CCDC112: variants seen among roughly 807,000 people sequenced by gnomAD.
CCDC112 encodes the protein coiled-coil domain containing 112, also known as coiled-coil domain-containing protein 112.
A neutral mutation model predicts 66.3 loss-of-function variants in CCDC112; 40 were observed. That is an observed-to-expected ratio of 0.60 (90% CI 0.47 to 0.79). The LOEUF (loss-of-function observed/expected upper bound fraction) is 0.79, where lower values mean the gene tolerates loss of function less well. CCDC112 is among the 30% of genes least tolerant of loss of function. CCDC112 has a pLI of 0.00. For missense variants in CCDC112, 659 were observed against 603.8 expected (o/e 1.09, Z -0.96); for synonymous variants, 214 against 197.2 (o/e 1.09, Z -0.71).
chr5:115,284,703 G>T, intron 2 of CCDC112, 84 bp downstream of exon 2: 1 of 1,077,166 alleles, frequency 9.3e-7, no homozygotes. Flanking sequence ...TGTGAGCCTA[G>T]GTAGGGTAGA....
chr5:115,281,312 C>A (rs1749446809), intron 2 of CCDC112, among the ~76,000 whole-genome samples: 1 of 152,184 alleles, frequency 6.6e-6, no homozygotes, highest in Admixed American at 6.5e-5. Flanking sequence ...GCATGAGCCA[C>A]CGCATCTGAC....
chr5:115,273,218 G>C (rs1207799445), intron 6 of CCDC112, among the ~76,000 whole-genome samples: 2 of 152,130 alleles, frequency 1.3e-5, no homozygotes, highest in African/African-American at 2.4e-5. Context: ...TTGATAAGCT[G>C]GGATTGGAGG....
intron 6 of CCDC112, 33 bp from the exon 7 acceptor site, chr5:115,271,659 G>A (rs776567418): frequency 7.0e-6 from 10 of 1,426,716 alleles, no homozygotes; most frequent in Non-Finnish European, 6.5e-6. Flanking sequence ...GAAAGCAAGA[G>A]AAAAAAGTTT....
chr5:115,296,476 G>T lies in CCDC112; in HGVS notation c.68C>A (p.Ala23Glu), dbSNP rs773926104. 1.3e-6 allele frequency: 2 copies of T among 1,561,976 alleles called. No homozygotes were observed. Among genetic ancestry groups the T allele is most frequent in the South Asian group, 1.2e-5 (1 of 86,884 alleles). ...ATAVAGAVAG[A>E]GAATGTGVGA... ...CACGCCGGTCCCGGTGGCCGCGCCC[G>T]CCCCTGCCACAGCCCCGGCTACCGC... The change falls in exon 1 of 10, where the codon GCG becomes GAG. Residue 23 changes from alanine to glutamate, a missense_variant. Transcript: ENST00000379611.
Position 115,296,649 on chromosome 5 carries a change from C to A in CCDC112, c.-106G>T. On this transcript the variant is annotated 5_prime_UTR_variant, in exon 1 of 10. Coordinates refer to ENST00000379611, the MANE Select transcript of CCDC112 (RefSeq NM_001040440.3). ...CAGCTCCCTGCGCTGCGGGCTTGGC[C>A]GGGATGCAGGGCGGGGCCGAGATGT... 4 of 1,002,094 alleles carry A rather than the reference C, an allele frequency of 4.0e-6. No homozygotes were observed. Among genetic ancestry groups the A allele is most frequent in the Non-Finnish European group, 4.8e-6 (4 of 825,510 alleles). 62.1% of individuals were successfully genotyped at this position (1,002,094 alleles called of 1,614,324 possible).
At chr5:115,292,286 T>C (rs996178526) in intron 1 of CCDC112, among the ~76,000 whole-genome samples, 3 of 152,182 alleles carry the variant, frequency 2.0e-5, no homozygotes, top group Admixed American at 1.3e-4. Flanking sequence ...TGGTGTTGAG[T>C]CTCTCTAGTG....
chr5:115,276,134 G>A, intron 4 of CCDC112, 65 bp from the exon 5 acceptor site: 2 of 1,117,122 alleles, frequency 1.8e-6, no homozygotes, highest in East Asian at 4.9e-5. Context: ...TTAAATATTA[G>A]GAAGAAAAAG....
intron 1 of CCDC112, among the ~76,000 whole-genome samples, chr5:115,293,928 CA>C (rs1014476402): frequency 1.3e-5 from 2 of 152,150 alleles, no homozygotes; most frequent in African/African-American, 4.8e-5. Flanking sequence ...AAAGATACTT[CA>C]AAAAAGTCAT....
At chr5:115,295,773 G>A (rs1750125879) in intron 1 of CCDC112, 1 of 385,288 alleles carries the variant, frequency 2.6e-6, no homozygotes, top group Non-Finnish European at 3.6e-6. Flanking sequence ...AATAAAGTAT[G>A]TAATATAATA....
In CCDC112 at chr5:115,271,197, A is replaced by G. The variant is rs747594927; in HGVS notation, c.1332+16T>C. On this transcript the variant is annotated intron_variant, in intron 7 of 9. Coordinates refer to ENST00000379611, the MANE Select transcript of CCDC112 (RefSeq NM_001040440.3). ...GTGTAGCATTTAAAAATTATTTAGGAAATAGATTTACTCACTCTTTCTTGA... is the reference window on the plus strand; with the variant it reads ...GTGTAGCATTTAAAAATTATTTAGGGAATAGATTTACTCACTCTTTCTTGA... The G allele has an allele frequency of 6.4e-7, 1 of 1,560,854 alleles. No homozygotes were observed. Among genetic ancestry groups the G allele is most frequent in the Non-Finnish European group, 8.6e-7 (1 of 1,162,742 alleles).
rs748153061 is a variant in CCDC112 at position 115,269,802 on chromosome 5, A to C, written c.1333-4T>G. ...TCAGTTCAAGTTTATGTAAATCCTT[A>C]AAAAAAAAAACCCATAGCATTAAGA... On this transcript the variant is annotated splice_polypyrimidine_tract_variant and splice_region_variant and intron_variant, in intron 7 of 9. Transcript: ENST00000379611. 1 of 1,062,914 alleles carries C rather than the reference A, an allele frequency of 9.4e-7. No homozygotes were observed. The highest frequency in any genetic ancestry group is 1.3e-6 in the Non-Finnish European group (1 of 792,726). 65.8% of individuals were successfully genotyped at this position (1,062,914 alleles called of 1,614,324 possible). A position where few individuals can be genotyped will look rare whatever the true frequency, so the allele number is the denominator to read the frequency against.
chr5:115,276,972 T>C lies in CCDC112; in HGVS notation c.444A>G (p.Thr148=), dbSNP rs1428503826. 2 of 1,583,320 alleles carry C rather than the reference T, an allele frequency of 1.3e-6. No individual in the cohort carries two copies. The highest frequency in any genetic ancestry group is 1.3e-5 in the African/African-American group (1 of 74,308). The change falls in exon 4 of 10, where the codon ACA becomes ACG. Residue 148 remains threonine (T), a synonymous_variant. Coordinates refer to ENST00000379611, the MANE Select transcript of CCDC112 (RefSeq NM_001040440.3). ...ATATCTAAATTTACTTACAATCAGG[T>C]GTAGGCTTCACATCTTTTAATTGAT... ...LQHQLKDVKP[T]PDFVEKLREM...
At position 115,267,830 on chromosome 5, in the gene CCDC112, C is replaced by T. The variant is rs746146398; in HGVS notation, c.*46G>A. ...GTTAGTCACTCTCTCCCTGGTATAA[C>T]TTAGTATGTTAACATTCTTATCAAC... On this transcript the variant is annotated 3_prime_UTR_variant, in exon 10 of 10. Transcript: ENST00000379611. 7.0e-7 allele frequency: 1 copy of T among 1,434,502 alleles called. No individual in the cohort carries two copies. Among genetic ancestry groups the T allele is most frequent in the South Asian group, 1.1e-5 (1 of 87,132 alleles). 88.9% of individuals were successfully genotyped at this position (1,434,502 alleles called of 1,614,324 possible). A position where few individuals can be genotyped will look rare whatever the true frequency, so the allele number is the denominator to read the frequency against.
chr5:115,275,858 A>C (rs1749186623), intron 5 of CCDC112, 136 bp downstream of exon 5: 1 of 728,184 alleles, frequency 1.4e-6, no homozygotes, highest in Non-Finnish European at 2.2e-6. Flanking sequence ...AACTGAAAAC[A>C]AAAAAGATAT....
chr5:115,271,242 C>T lies in CCDC112; in HGVS notation c.1303G>A (p.Ala435Thr), dbSNP rs200581001. The change falls in exon 7 of 10, where the codon GCT (alanine) becomes ACT (threonine). Residue 435 changes from alanine (A) to threonine (T), a missense_variant. Coordinates refer to ENST00000379611, the MANE Select transcript of CCDC112 (RefSeq NM_001040440.3). ...AEKAEKRKNA[A>T]DEISRFQERD... ...TCTTGAAATCTGGAAATTTCATCAG[C>T]AGCATTTTTCCTTTTTTCTGCCTTT... 7 of 1,581,136 alleles carry T rather than the reference C, an allele frequency of 4.4e-6. No homozygotes were observed. The East Asian group carries it at 1.6e-4, about 35-fold the overall frequency.
rs1010000033 is a variant in CCDC112, at chr5:115,295,981, T to C, written c.117+446A>G. ...CACCTCTGCCTCCGACCATCCCATA[T>C]TGTCTTTCTCCTTGTGTTCCCAGCG... On this transcript the variant is annotated intron_variant, in intron 1 of 9. Transcript: ENST00000379611. The C allele has an allele frequency of 1.0e-5, 10 of 987,216 alleles. No individual in the cohort carries two copies. The Admixed American group carries it at 4.3e-4, about 42-fold the overall frequency. The allele number at this position is 987,216 out of a possible 1,614,324, so 61.2% of individuals were successfully genotyped here. A position where few individuals can be genotyped will look rare whatever the true frequency, so the allele number is the denominator to read the frequency against.
intron 1 of CCDC112, among the ~76,000 whole-genome samples, chr5:115,295,759 T>C (rs911015825): frequency 1.3e-5 from 2 of 151,932 alleles, no homozygotes; most frequent in Admixed American, 1.3e-4. Context: ...ACATAAACAA[T>C]AGAAATAAAG....
Position 115,271,506 on chromosome 5 carries a change from T to C in CCDC112, c.1039A>G (p.Lys347Glu). Residue 347 changes from lysine (K) to glutamate (E), a missense_variant, in exon 7 of 10, where the codon AAA (lysine) becomes GAA (glutamate). Lys to Glu is a moderately conservative substitution (Grantham distance 56). Transcript: ENST00000379611. The part of the protein sequence containing the change: ...HNKQEDNQKQ[K>E]EEQRKKQKLA... ...TTCTGTTTCTTTCTTTGTTCCTCTT[T>C]TTGCTTTTGATTATCCTCTTGTTTA... The C allele has an allele frequency of 6.2e-7, 1 of 1,613,402 alleles. No individual in the cohort carries two copies. Among genetic ancestry groups the C allele is most frequent in the Non-Finnish European group, 8.5e-7 (1 of 1,179,868 alleles).
At chr5:115,268,855 T>A in intron 9 of CCDC112, 27 bp downstream of exon 9, 1 of 1,317,522 alleles carries the variant, frequency 7.6e-7, no homozygotes, top group Non-Finnish European at 1.1e-6. Context: ...AATTACTAAA[T>A]GAACACCAAT....
Sources: gnomAD v4.1 joint callset for allele counts (sites outside exome capture counted in the v4.1 genomes callset) on GRCh38, gnomAD v4.1.1 for gene constraint, MANE v1.5 for transcripts, NCBI Gene and HGNC (gene_info 2026-07-23, HGNC 2026-07-21) for gene names.